The following RBFOX1 variants were observed in gnomAD, a reference collection of about 807,000 sequenced individuals.
RBFOX1 encodes the protein RNA binding protein fox-1 homolog 1.
A neutral mutation model predicts 57.7 loss-of-function variants in RBFOX1; 8 were observed. The observed-to-expected ratio is 0.14, with a 90% CI of 0.08 to 0.25. The LOEUF (loss-of-function observed/expected upper bound fraction) is 0.25, where lower values mean the gene tolerates loss of function less well. Among genes scored for constraint, RBFOX1 ranks in the 10% least tolerant of loss-of-function variants. The pLI is 1.00. For synonymous variants in RBFOX1, 326 were observed against 222.4 expected (o/e 1.47, Z -4.15); for missense variants, 611 against 548.5 (o/e 1.11, Z -1.14).
chr16:5,717,387 A>G (rs1449321207), intron 3 of RBFOX1, among the ~76,000 whole-genome samples: 2 of 152,064 alleles, frequency 1.3e-5, no homozygotes, highest in African/African-American at 4.8e-5. Flanking sequence ...TTGGCGGTAC[A>G]GGTGGTTTTT....
chr16:5,266,666 G>T (rs2062866782), intron 1 of RBFOX1, among the ~76,000 whole-genome samples: 2 of 149,946 alleles, frequency 1.3e-5, no homozygotes, highest in Admixed American at 1.3e-4. Context: ...TCCCACCTCA[G>T]CCCTCTGGAG....
chr16:5,684,335 C>G (rs964367418), intron 3 of RBFOX1, among the ~76,000 whole-genome samples: 1 of 152,008 alleles, frequency 6.6e-6, no homozygotes, highest in Non-Finnish European at 1.5e-5. Flanking sequence ...GTAAGAGAAC[C>G]CTGACTAATA....
chr16:6,076,129 T>C (rs1488323724), intron 1 of RBFOX1, among the ~76,000 whole-genome samples: 1 of 152,004 alleles, frequency 6.6e-6, no homozygotes, highest in Admixed American at 6.6e-5. Context: ...AGAAATCCCA[T>C]CTCTAATAAA....
At chr16:6,713,338 G>C (rs1280309968) in intron 3 of RBFOX1, among the ~76,000 whole-genome samples, 1 of 152,038 alleles carries the variant, frequency 6.6e-6, no homozygotes, top group African/African-American at 2.4e-5. Flanking sequence ...CGGGAGTCTT[G>C]ATGACCAAGT....
intron 1 of RBFOX1, among the ~76,000 whole-genome samples, chr16:6,134,289 T>C (rs2096650468): frequency 6.6e-6 from 1 of 152,208 alleles, no homozygotes; most frequent in Non-Finnish European, 1.5e-5. Context: ...GATATTGTGG[T>C]TGCAGTTTTA....
intron 3 of RBFOX1, among the ~76,000 whole-genome samples, chr16:6,913,967 C>A (rs376344330): frequency 6.6e-6 from 1 of 152,146 alleles, no homozygotes; most frequent in Non-Finnish European, 1.5e-5. Context: ...ATTTATACTC[C>A]CCACCTCATG....
At chr16:5,764,968 C>T (rs951729928) in intron 3 of RBFOX1, among the ~76,000 whole-genome samples, 1 of 152,074 alleles carries the variant, frequency 6.6e-6, no homozygotes, top group Non-Finnish European at 1.5e-5. Flanking sequence ...GTAGTTTGCC[C>T]AAGTCTCCTT....
intron 3 of RBFOX1, among the ~76,000 whole-genome samples, chr16:5,727,298 A>G (rs892486422): frequency 6.6e-6 from 1 of 152,136 alleles, no homozygotes. Context: ...CAAACAAACA[A>G]ATAAAACCAT....
At chr16:6,761,771 C>T (rs565133109) in intron 3 of RBFOX1, among the ~76,000 whole-genome samples, 2 of 151,974 alleles carry the variant, frequency 1.3e-5, no homozygotes, top group East Asian at 1.9e-4. Context: ...CCCTAAAGTG[C>T]TGGGATTACA....
intron 1 of RBFOX1, among the ~76,000 whole-genome samples, chr16:5,276,547 G>A (rs1318493037): frequency 6.6e-6 from 1 of 152,226 alleles, no homozygotes; most frequent in Non-Finnish European, 1.5e-5. Flanking sequence ...TACTTTGGGA[G>A]GCCGAGGCGG....
chr16:5,685,160 A>T (rs1020175847), intron 3 of RBFOX1, among the ~76,000 whole-genome samples: 1 of 152,226 alleles, frequency 6.6e-6, no homozygotes, highest in Non-Finnish European at 1.5e-5. Flanking sequence ...GGAACTGTGT[A>T]AGTTGGAGAA....
At chr16:6,881,552 C>T (rs1174577564) in intron 3 of RBFOX1, among the ~76,000 whole-genome samples, 1 of 152,192 alleles carries the variant, frequency 6.6e-6, no homozygotes, top group Admixed American at 6.5e-5. Flanking sequence ...TCCAAACATG[C>T]ATACTCCTCT....
At chr16:5,855,142 A>G (rs2056993203) in intron 3 of RBFOX1, among the ~76,000 whole-genome samples, 1 of 152,112 alleles carries the variant, frequency 6.6e-6, no homozygotes, top group African/African-American at 2.4e-5. Flanking sequence ...TATTAGATAT[A>G]TAGTTTAGAA....
chr16:6,564,461 A>G (rs1373597147), intron 2 of RBFOX1, among the ~76,000 whole-genome samples: 1 of 111,146 alleles, frequency 9.0e-6, no homozygotes, highest in Non-Finnish European at 2.1e-5. Flanking sequence ...CTCTGTCTCA[A>G]AAACAAACAA....
At chr16:7,447,250 G>A (rs2098815914) in intron 4 of RBFOX1, among the ~76,000 whole-genome samples, 1 of 151,696 alleles carries the variant, frequency 6.6e-6, no homozygotes, top group Non-Finnish European at 1.5e-5. Context: ...TGGCCAACAT[G>A]GGGAAACCCC....
intron 3 of RBFOX1, among the ~76,000 whole-genome samples, chr16:6,880,514 T>A (rs2062722183): frequency 6.6e-6 from 1 of 152,212 alleles, no homozygotes; most frequent in South Asian, 2.1e-4. Flanking sequence ...TAGAGAGATT[T>A]CCTGGAACCT....
At chr16:6,155,449 TGATCCGGAAGGTAGA>T (rs2096831757) in intron 1 of RBFOX1, among the ~76,000 whole-genome samples, 1 of 152,242 alleles carries the variant, frequency 6.6e-6, no homozygotes, top group South Asian at 2.1e-4. Flanking sequence ...GTGTGTTTTA[TGATCCGGAAGGTAGA>T]TTTTCCCCCC....
intron 1 of RBFOX1, among the ~76,000 whole-genome samples, chr16:6,044,195 T>A (rs1268198042): frequency 1.3e-5 from 2 of 152,198 alleles, no homozygotes; most frequent in Non-Finnish European, 2.9e-5. Context: ...TGTCTTGAAT[T>A]AGGCTAGGCT....
At chr16:7,481,459 T>C (rs911656689) in intron 4 of RBFOX1, among the ~76,000 whole-genome samples, 2 of 152,232 alleles carry the variant, frequency 1.3e-5, no homozygotes, top group Non-Finnish European at 2.9e-5. Flanking sequence ...GGGATGCCTC[T>C]GTAGTGCAAA....
Sources: gnomAD v4.1 joint callset for allele counts (sites outside exome capture counted in the v4.1 genomes callset) on GRCh38, gnomAD v4.1.1 for gene constraint, MANE v1.5 for transcripts, NCBI Gene and HGNC (gene_info 2026-07-23, HGNC 2026-07-21) for gene names.